FGF12: variants seen among roughly 807,000 people sequenced by gnomAD.
FGF12 encodes fibroblast growth factor 12.
Under a neutral mutation model 23.6 loss-of-function variants are expected in FGF12, and 14 were observed. The observed-to-expected ratio is 0.59, with a 90% CI of 0.39 to 0.93. FGF12 has a LOEUF of 0.93. FGF12 is among the 40% of genes least tolerant of loss of function. FGF12 has a pLI of 0.00. For missense variants in FGF12, 175 were observed against 217.8 expected, an observed-to-expected ratio of 0.80 and a Z score of 1.24; for synonymous variants, 62 against 77.3, an observed-to-expected ratio of 0.80 and a Z score of 1.04.
rs575274906 is a variant in FGF12 at position 192,245,256 on chromosome 3, C to T, written c.229-74600G>A. Among the ~76,000 whole-genome samples the T allele has an allele frequency of 9.2e-5, 13 of 140,676 alleles. No individual in the cohort carries two copies. In the South Asian group the frequency reaches 1.4e-3, roughly 15 times the overall value. 92.3% of individuals were successfully genotyped at this position (140,676 alleles called of 152,430 possible). A position where few individuals can be genotyped will look rare whatever the true frequency, so the allele number is the denominator to read the frequency against. On this transcript the variant is annotated intron_variant, in intron 4 of 5. Transcript: ENST00000445105. Reference sequence around the variant, plus strand: ...GACCATGAGCACATGACACCATGCCCGGCAATTTTATTTTGTTTTATTTAT... The same window carrying T: ...GACCATGAGCACATGACACCATGCCTGGCAATTTTATTTTGTTTTATTTAT...
intron 2 of FGF12, chr3:192,407,901 G>T (rs1404152524): frequency 1.9e-6 from 2 of 1,071,594 alleles, no homozygotes; most frequent in South Asian, 1.5e-5. Flanking sequence ...CTGGAAATGA[G>T]AGAAGAGGGG....
At chr3:192,390,944 G>A (rs1314749640) in intron 2 of FGF12, among the ~76,000 whole-genome samples, 1 of 152,186 alleles carries the variant, frequency 6.6e-6, no homozygotes, top group African/African-American at 2.4e-5. Flanking sequence ...AAGGCAAATT[G>A]CATTTGCGTT....
At chr3:192,343,373 T>A (rs185707950) in intron 3 of FGF12, among the ~76,000 whole-genome samples, 1 of 152,280 alleles carries the variant, frequency 6.6e-6, no homozygotes, top group Non-Finnish European at 1.5e-5. Context: ...TAAGATCATA[T>A]CCTACAAAAT....
At chr3:192,291,028 A>G (rs1714730298) in intron 4 of FGF12, among the ~76,000 whole-genome samples, 1 of 152,178 alleles carries the variant, frequency 6.6e-6, no homozygotes, top group Non-Finnish European at 1.5e-5. Flanking sequence ...CTATCTACAT[A>G]TACAATGTCA....
At chr3:192,694,252 GC>G (rs1410998558) in intron 2 of FGF12, among the ~76,000 whole-genome samples, 2 of 152,116 alleles carry the variant, frequency 1.3e-5, no homozygotes, top group African/African-American at 4.8e-5. Context: ...AAAAATGTTG[GC>G]AAGGGTGGTG....
intron 4 of FGF12, among the ~76,000 whole-genome samples, chr3:192,284,289 A>AG: frequency 6.6e-6 from 1 of 152,244 alleles, no homozygotes; most frequent in East Asian, 1.9e-4. Flanking sequence ...TGATGATCAC[A>AG]GGGCACCCTG....
At chr3:192,549,768 T>G (rs1725586065) in intron 2 of FGF12, among the ~76,000 whole-genome samples, 1 of 152,186 alleles carries the variant, frequency 6.6e-6, no homozygotes, top group Non-Finnish European at 1.5e-5. Flanking sequence ...TGCTATGAGC[T>G]GGGACATTGG....
intron 4 of FGF12, among the ~76,000 whole-genome samples, chr3:192,185,216 C>T (rs1020876566): frequency 6.6e-6 from 1 of 152,198 alleles, no homozygotes; most frequent in Non-Finnish European, 1.5e-5. Context: ...CTTTGTATTA[C>T]ATATCATGTG....
At chr3:192,277,790 T>C (rs1223835054) in intron 4 of FGF12, among the ~76,000 whole-genome samples, 1 of 152,088 alleles carries the variant, frequency 6.6e-6, no homozygotes, top group Non-Finnish European at 1.5e-5. Context: ...TGAGACAGAG[T>C]CTCGCTCTGT....
intron 2 of FGF12, among the ~76,000 whole-genome samples, chr3:192,615,941 T>C (rs1054870276): frequency 2.7e-5 from 4 of 150,640 alleles, no homozygotes; most frequent in African/African-American, 9.8e-5. Flanking sequence ...CACATTTATC[T>C]ACAAGTAATG....
intron 2 of FGF12, among the ~76,000 whole-genome samples, chr3:192,698,798 A>G: frequency 6.6e-6 from 1 of 152,196 alleles, no homozygotes; most frequent in East Asian, 1.9e-4. Flanking sequence ...TCAAATAGCA[A>G]CAGATCTTCC....
chr3:192,381,949 A>G (rs1457464707), intron 2 of FGF12, among the ~76,000 whole-genome samples: 1 of 152,174 alleles, frequency 6.6e-6, no homozygotes, highest in Non-Finnish European at 1.5e-5. Flanking sequence ...GGAAAAAGTC[A>G]GACACATAGG....
intron 3 of FGF12, among the ~76,000 whole-genome samples, chr3:192,337,628 T>G (rs114607925): frequency 0.014 from 2,201 of 152,274 alleles, 46 homozygotes; most frequent in African/African-American, 0.049. Context: ...TCACTTGGCT[T>G]TGAGCTATTC....
rs189218482 is a variant in FGF12 at position 192,708,020 on chromosome 3, C to T, written c.13+19161G>A. Among the ~76,000 whole-genome samples, 652 of 152,124 alleles carry T rather than the reference C, an allele frequency of 4.3e-3. 3 individuals are homozygous for T. The highest frequency in any genetic ancestry group is 0.015 in the African/African-American group (625 of 41,504). ...TGTCACCCAGGCTGGAGTGCTGTGG[C>T]GCGATCTCGGCTCACTGCAAGCTCC... On this transcript the variant is annotated intron_variant, in intron 2 of 5. Coordinates refer to ENST00000445105, the MANE Select transcript of FGF12 (RefSeq NM_004113.6).
chr3:192,531,407 G>T (rs187248125), intron 2 of FGF12, among the ~76,000 whole-genome samples: 1 of 152,162 alleles, frequency 6.6e-6, no homozygotes, highest in Non-Finnish European at 1.5e-5. Context: ...CTGCCTTGAG[G>T]TTTGTTGTGG....
chr3:192,143,899 G>A lies in FGF12; in HGVS notation c.*110C>T, dbSNP rs1431651001. 4 of 725,542 alleles carry A rather than the reference G, an allele frequency of 5.5e-6. No individual in the cohort carries two copies. The highest frequency in any genetic ancestry group is 2.6e-5 in the East Asian group (1 of 39,054). 44.9% of individuals were successfully genotyped at this position (725,542 alleles called of 1,614,324 possible). A position where few individuals can be genotyped will look rare whatever the true frequency, so the allele number is the denominator to read the frequency against. On this transcript the variant is annotated 3_prime_UTR_variant, in exon 6 of 6. Coordinates refer to ENST00000445105, the MANE Select transcript of FGF12 (RefSeq NM_004113.6). ...CAGAATCTTAGCCACTAGGTCTTGC[G>A]TTGTCATTTTATTTTCCTCTCCTTG...
intron 2 of FGF12, among the ~76,000 whole-genome samples, chr3:192,623,341 C>T (rs1199839310): frequency 1.3e-5 from 2 of 152,140 alleles, no homozygotes; most frequent in Non-Finnish European, 2.9e-5. Flanking sequence ...GATGGGATTT[C>T]TGATCAGGGG....
At chr3:192,436,348 G>C (rs1270558333) in intron 2 of FGF12, among the ~76,000 whole-genome samples, 1 of 152,166 alleles carries the variant, frequency 6.6e-6, no homozygotes, top group Admixed American at 6.5e-5. Context: ...TGTAAATTAG[G>C]GGTTCTCAAA....
intron 4 of FGF12, among the ~76,000 whole-genome samples, chr3:192,200,662 G>A (rs9836343): frequency 0.049 from 7,407 of 152,164 alleles, 617 homozygotes; most frequent in African/African-American, 0.17. Context: ...ACCAAACTCC[G>A]TCAGTACCTT....
Sources: gnomAD v4.1 joint callset for allele counts (sites outside exome capture counted in the v4.1 genomes callset) on GRCh38, gnomAD v4.1.1 for gene constraint, MANE v1.5 for transcripts, NCBI Gene and HGNC (gene_info 2026-07-23, HGNC 2026-07-21) for gene names.